Variants in GABRB1 observed in about 807,000 individuals in gnomAD.
The protein encoded by GABRB1 is gamma-aminobutyric acid type A receptor subunit beta1.
A neutral mutation model predicts 51.6 loss-of-function variants in GABRB1; 17 were observed. That is an observed-to-expected ratio of 0.33 (90% CI 0.23 to 0.49). The LOEUF (loss-of-function observed/expected upper bound fraction) is 0.49. Among genes scored for constraint, GABRB1 ranks in the 20% least tolerant of loss-of-function variants. The pLI, the probability that GABRB1 is intolerant of heterozygous loss-of-function variation, is 0.99. For synonymous variants in GABRB1, 247 were observed against 218.9 expected (o/e 1.13, Z -1.14); for missense variants, 410 against 600.6 (o/e 0.68, Z 3.32).
intron 3 of GABRB1, among the ~76,000 whole-genome samples, chr4:47,061,702 C>T (rs1256126231): frequency 1.3e-5 from 2 of 152,174 alleles, no homozygotes; most frequent in Non-Finnish European, 2.9e-5. Flanking sequence ...ACAGTGCAAG[C>T]AAACGTCTCG....
At chr4:47,077,899 G>GTATTTTATATATATTATA (rs1371010846) in intron 3 of GABRB1, among the ~76,000 whole-genome samples, 5 of 125,122 alleles carry the variant, frequency 4.0e-5, no homozygotes, top group Non-Finnish European at 6.7e-5. Flanking sequence ...TATATTATAT[G>GTATTTTATATATATTATA]TATTTTATAT....
At chr4:47,195,747 T>C (rs1168939674) in intron 4 of GABRB1, among the ~76,000 whole-genome samples, 1 of 152,228 alleles carries the variant, frequency 6.6e-6, no homozygotes. Context: ...TAAACACTTA[T>C]TAGGTTCCAG....
intron 7 of GABRB1, 70 bp from the exon 8 acceptor site, chr4:47,406,612 G>C: frequency 6.3e-7 from 1 of 1,590,766 alleles, no homozygotes; most frequent in Non-Finnish European, 8.6e-7. Flanking sequence ...AATGGCATCT[G>C]TCCTCTCAAT....
intron 1 of GABRB1, among the ~76,000 whole-genome samples, chr4:47,010,398 G>C (rs1453301247): frequency 6.6e-6 from 1 of 152,188 alleles, no homozygotes; most frequent in Non-Finnish European, 1.5e-5. Context: ...ATGAGAACCT[G>C]AGGGGTTAAG....
chr4:47,310,963 A>T (rs1724646687), intron 4 of GABRB1, among the ~76,000 whole-genome samples: 1 of 141,658 alleles, frequency 7.1e-6, no homozygotes, highest in Non-Finnish European at 1.5e-5. Context: ...CAGGAGGCTG[A>T]GGCAGGAGAA....
chr4:47,423,804 G>A (rs1277355350), intron 8 of GABRB1, among the ~76,000 whole-genome samples: 1 of 151,970 alleles, frequency 6.6e-6, no homozygotes, highest in East Asian at 1.9e-4. Flanking sequence ...TTTGAGCCTT[G>A]GTTTTCCTGT....
At chr4:47,201,310 T>C (rs1719886886) in intron 4 of GABRB1, among the ~76,000 whole-genome samples, 1 of 152,136 alleles carries the variant, frequency 6.6e-6, no homozygotes, top group African/African-American at 2.4e-5. Flanking sequence ...AAGAAAAAAG[T>C]TACAGCTATA....
intron 3 of GABRB1, among the ~76,000 whole-genome samples, chr4:47,157,609 A>G (rs956421880): frequency 6.6e-6 from 1 of 152,156 alleles, no homozygotes; most frequent in Middle Eastern, 3.2e-3. Flanking sequence ...TATAATAGAT[A>G]TGAAAGGGTT....
chr4:47,295,726 G>A (rs1175074222), intron 4 of GABRB1, among the ~76,000 whole-genome samples: 1 of 152,146 alleles, frequency 6.6e-6, no homozygotes, highest in Non-Finnish European at 1.5e-5. Context: ...TAGCAAGGCA[G>A]GCCAACATTC....
intron 5 of GABRB1, among the ~76,000 whole-genome samples, chr4:47,363,634 C>T (rs1726879954): frequency 1.3e-5 from 2 of 152,108 alleles, no homozygotes. Flanking sequence ...GAATGGATTA[C>T]AGGTTTCGTC....
At chr4:47,189,608 C>T (rs986594111) in intron 4 of GABRB1, among the ~76,000 whole-genome samples, 9 of 151,830 alleles carry the variant, frequency 5.9e-5, no homozygotes, top group African/African-American at 2.2e-4. Flanking sequence ...GATTGAGTCC[C>T]TGCATTTATG....
At chr4:47,335,597 T>C (rs895161693) in intron 5 of GABRB1, among the ~76,000 whole-genome samples, 66 of 152,174 alleles carry the variant, frequency 4.3e-4, no homozygotes, top group African/African-American at 1.5e-3. Flanking sequence ...CTTCCTAGTT[T>C]AATGAAGTTT....
At chr4:47,199,572 A>T (rs966780253) in intron 4 of GABRB1, among the ~76,000 whole-genome samples, 6 of 152,136 alleles carry the variant, frequency 3.9e-5, no homozygotes, top group African/African-American at 1.4e-4. Context: ...GAAGAGACAG[A>T]CAGAGGACAA....
intron 3 of GABRB1, among the ~76,000 whole-genome samples, chr4:47,066,317 T>A (rs1198238016): frequency 6.6e-6 from 1 of 152,184 alleles, no homozygotes; most frequent in African/African-American, 2.4e-5. Context: ...ATCAGGGTGG[T>A]GGTTGCTGAG....
chr4:47,190,690 C>A (rs540615008), intron 4 of GABRB1, among the ~76,000 whole-genome samples: 10 of 152,228 alleles, frequency 6.6e-5, no homozygotes, highest in African/African-American at 2.4e-4. Context: ...GGCTTTAAAC[C>A]TCAGCCAATT....
intron 3 of GABRB1, among the ~76,000 whole-genome samples, chr4:47,148,803 A>C (rs1717290599): frequency 6.6e-6 from 1 of 151,824 alleles, no homozygotes; most frequent in East Asian, 1.9e-4. Context: ...GATGAAGGAG[A>C]ATTCATGGAT....
At chr4:47,301,219 A>T (rs1184625275) in intron 4 of GABRB1, among the ~76,000 whole-genome samples, 2 of 152,198 alleles carry the variant, frequency 1.3e-5, no homozygotes, top group Admixed American at 1.3e-4. Context: ...CTCTGGCAAC[A>T]TATTTTACCT....
chr4:47,349,220 T>G (rs534929304), intron 5 of GABRB1, among the ~76,000 whole-genome samples: 1 of 152,140 alleles, frequency 6.6e-6, no homozygotes, highest in Non-Finnish European at 1.5e-5. Context: ...GCTATCAGCA[T>G]GGGTGAGTTC....
intron 8 of GABRB1, among the ~76,000 whole-genome samples, chr4:47,417,347 T>A (rs1406624320): frequency 6.6e-6 from 1 of 151,996 alleles, no homozygotes; most frequent in Non-Finnish European, 1.5e-5. Flanking sequence ...TTGCACTTAA[T>A]CTTCTGTTCC....
Sources: allele counts gnomAD v4.1 joint callset (sites outside exome capture counted in the v4.1 genomes callset), GRCh38; gene constraint gnomAD v4.1.1; transcripts MANE v1.5; gene names NCBI Gene and HGNC (gene_info 2026-07-23, HGNC 2026-07-21).